C13orf46: variants seen among roughly 807,000 people sequenced by gnomAD.
C13orf46 encodes uncharacterized protein C13orf46.
At chr13:113,948,460 C>T in the C13orf46 span, among the ~76,000 whole-genome samples, 1 of 152,218 alleles carries the variant, frequency 6.6e-6, no homozygotes, top group Non-Finnish European at 1.5e-5. Flanking sequence ...GGCTTCAGTG[C>T]CTGGGACCCT....
the C13orf46 span, among the ~76,000 whole-genome samples, chr13:113,933,479 C>T: frequency 1.3e-5 from 2 of 152,276 alleles, no homozygotes; most frequent in East Asian, 3.9e-4. Flanking sequence ...GCTTTGGTTA[C>T]TCCAAGTCCT....
At chr13:113,958,158 G>A (rs1180223717) in intron 6 of C13orf46, among the ~76,000 whole-genome samples, 3 of 149,042 alleles carry the variant, frequency 2.0e-5, no homozygotes, top group Non-Finnish European at 3.0e-5. Context: ...AGCGCACTGG[G>A]GGGTCTCCCC....
chr13:113,948,316 G>A, the C13orf46 span, among the ~76,000 whole-genome samples: 2 of 152,246 alleles, frequency 1.3e-5, no homozygotes, highest in African/African-American at 4.8e-5. Flanking sequence ...GAGGCACAAA[G>A]AGGAAACTTC....
At chr13:113,930,461 G>C in the C13orf46 span, among the ~76,000 whole-genome samples, 3 of 152,130 alleles carry the variant, frequency 2.0e-5, no homozygotes, top group African/African-American at 4.8e-5. Context: ...TGTCTCTAGT[G>C]ATCTCTCAAG....
the C13orf46 span, among the ~76,000 whole-genome samples, chr13:113,930,452 G>C: frequency 1.3e-5 from 2 of 152,226 alleles, no homozygotes; most frequent in Non-Finnish European, 2.9e-5. Context: ...AGGCTGAGCT[G>C]TCTCTAGTGA....
intron 5 of C13orf46, among the ~76,000 whole-genome samples, chr13:113,965,407 A>G (rs2052625730): frequency 6.6e-6 from 1 of 152,186 alleles, no homozygotes; most frequent in Admixed American, 6.5e-5. Flanking sequence ...ACTTCAATAA[A>G]CTTCCAGAAT....
chr13:113,945,605 G>GAAGAAAGAAAGAAAGA, the C13orf46 span, among the ~76,000 whole-genome samples: 233 of 93,758 alleles, frequency 2.5e-3, 2 homozygotes, highest in East Asian at 7.0e-3. Flanking sequence ...AAGAAAGAAA[G>GAAGAAAGAAAGAAAGA]AAGAAAGAAA....
chr13:113,963,555 T>A (rs1220542201), intron 6 of C13orf46, among the ~76,000 whole-genome samples: 1 of 59,644 alleles, frequency 1.7e-5, no homozygotes. Flanking sequence ...CAGCCCTCGC[T>A]CCAGTCCTCA....
rs1211524709 is a variant in C13orf46 at position 113,954,844 on chromosome 13, G to C, written c.*1929C>G. On this transcript the variant is annotated 3_prime_UTR_variant, in exon 7 of 7. Transcript: ENST00000636427. ...ATCCGGTGGAGATGAGGAGCATCCG[G>C]TGGAGATGAGGAGCATCTCGTGGGG... 20 of 98,958 alleles carry C rather than the reference G, an allele frequency of 2.0e-4. No homozygotes were observed. Among genetic ancestry groups the C allele is most frequent in the Non-Finnish European group, 4.7e-4 (19 of 40,594 alleles). The allele number at this position is 98,958 out of a possible 1,614,324, so 6.1% of individuals were successfully genotyped here.
At chr13:113,961,224 A>G (rs1160881721) in intron 6 of C13orf46, among the ~76,000 whole-genome samples, 3 of 152,224 alleles carry the variant, frequency 2.0e-5, no homozygotes, top group East Asian at 1.9e-4. Context: ...GATAAATGAT[A>G]CTAAATCTTC....
chr13:113,938,373 G>C, the C13orf46 span, among the ~76,000 whole-genome samples: 3 of 152,218 alleles, frequency 2.0e-5, no homozygotes, highest in Admixed American at 1.3e-4. Context: ...GGCAGGGCTG[G>C]CAGGAGCCTG....
Position 113,954,732 on chromosome 13 carries a change from C to A in C13orf46, c.*2041G>T. 1 of 172,398 alleles carries A rather than the reference C, an allele frequency of 5.8e-6. No individual in the cohort carries two copies. The highest frequency in any genetic ancestry group is 1.2e-5 in the Non-Finnish European group (1 of 81,300). 10.7% of individuals were successfully genotyped at this position (172,398 alleles called of 1,614,324 possible). The stretch of plus-strand genomic sequence containing the variant: ...CCCAGGGGCCTCTGTCCCCACCCAA[C>A]AAGCCACTGAGCAAGAGGCCAGGGC... On this transcript the variant is annotated 3_prime_UTR_variant, in exon 7 of 7. Coordinates refer to ENST00000636427, the MANE Select transcript of C13orf46 (RefSeq NM_001365455.2).
chr13:113,939,026 C>A, the C13orf46 span, among the ~76,000 whole-genome samples: 12 of 152,294 alleles, frequency 7.9e-5, no homozygotes, highest in African/African-American at 2.2e-4. Flanking sequence ...CGATCCCTTC[C>A]AAGCTGGCAT....
rs1430137250 is a variant in C13orf46 at position 113,964,188 on chromosome 13, TA to T, written c.572+738del. On this transcript the variant is annotated intron_variant, in intron 6 of 6. Transcript: ENST00000636427. ...AAAGCCGATAGAACAATTCATCCTTTAAAAAAATCTGTAAGAAATCAAAATA... is the reference window on the plus strand; with the variant it reads ...AAAGCCGATAGAACAATTCATCCTTTAAAAAATCTGTAAGAAATCAAAATA... 2.0e-5 allele frequency among the ~76,000 whole-genome samples: 3 copies of T among 152,338 alleles called. No individual in the cohort carries two copies. The South Asian group carries it at 6.2e-4, about 32-fold the overall frequency.
intron 1 of C13orf46, among the ~76,000 whole-genome samples, chr13:113,972,720 C>T (rs1013339198): frequency 3.3e-5 from 5 of 152,226 alleles, no homozygotes; most frequent in African/African-American, 9.6e-5. Context: ...ACACCAGCTA[C>T]GCAGGTTCCT....
rs986780275 is a variant in C13orf46, at chr13:113,974,062, G to C, written c.-65C>G. ...CTCACACCCAGCCGTCCCGCAGGGA[G>C]TAGTCAGGAGGTGCTGGGAGTGCGT... On this transcript the variant is annotated 5_prime_UTR_variant, in exon 1 of 7. Transcript: ENST00000636427. The C allele has an allele frequency of 6.5e-6, 1 of 152,740 alleles. No individual in the cohort carries two copies. The highest frequency in any genetic ancestry group is 2.4e-5 in the African/African-American group (1 of 41,484). The allele number at this position is 152,740 out of a possible 1,614,324, so 9.5% of individuals were successfully genotyped here. A position where few individuals can be genotyped will look rare whatever the true frequency, so the allele number is the denominator to read the frequency against.
At chr13:113,945,630 A>C in the C13orf46 span, among the ~76,000 whole-genome samples, 1 of 133,720 alleles carries the variant, frequency 7.5e-6, no homozygotes, top group African/African-American at 2.8e-5. Context: ...GAAAGAAAGA[A>C]AGAAAGAAAG....
chr13:113,937,120 C>T, the C13orf46 span, among the ~76,000 whole-genome samples: 1 of 152,172 alleles, frequency 6.6e-6, no homozygotes, highest in African/African-American at 2.4e-5. Context: ...TAATTAAGGG[C>T]AGTTTGAAGG....
the C13orf46 span, among the ~76,000 whole-genome samples, chr13:113,939,214 G>A: frequency 6.6e-6 from 1 of 152,184 alleles, no homozygotes; most frequent in Non-Finnish European, 1.5e-5. Context: ...TGCCTGACAC[G>A]TTCCAGCCAA....
Sources: allele counts gnomAD v4.1 joint callset (sites outside exome capture counted in the v4.1 genomes callset), GRCh38; gene constraint gnomAD v4.1.1; transcripts MANE v1.5; gene names NCBI Gene and HGNC (gene_info 2026-07-23, HGNC 2026-07-21).